CTU2: variants seen among roughly 807,000 people sequenced by gnomAD.
The protein encoded by CTU2 is cytoplasmic tRNA 2-thiolation protein 2.
CTU2 carries 80 observed loss-of-function variants against 64.1 expected under a neutral mutation model. The ratio of observed to expected loss-of-function variants is 1.25; its 90% CI spans 1.04 to 1.50. CTU2 has a LOEUF of 1.50. CTU2 is among the 40% of genes most tolerant of loss of function. CTU2 has a pLI of 0.00. For missense variants in CTU2, 1,110 were observed against 690.2 expected, an observed-to-expected ratio of 1.61 and a Z score of -6.81; for synonymous variants, 482 against 285.3, an observed-to-expected ratio of 1.69 and a Z score of -6.95.
chr16:88,711,055 G>A (rs1911281177), intron 4 of CTU2: 1 of 154,052 alleles, frequency 6.5e-6, no homozygotes, highest in Non-Finnish European at 1.4e-5. Flanking sequence ...GTGGTTGAGA[G>A]GAGAGGGGTC....
Position 88,715,360 on chromosome 16 carries a change from T to A in CTU2, c.*109T>A, listed in dbSNP as rs2142742884. On this transcript the variant is annotated 3_prime_UTR_variant, in exon 15 of 15. Coordinates refer to ENST00000453996, the MANE Select transcript of CTU2 (RefSeq NM_001012759.3). ...GCCTCTGATTGTCCATTTGTATAAA[T>A]AAAACATTTTTTAATTAAAAAAAAA... The A allele has an allele frequency of 8.1e-7, 1 of 1,232,666 alleles. No homozygotes were observed. Among genetic ancestry groups the A allele is most frequent in the Non-Finnish European group, 1.1e-6 (1 of 899,408 alleles). The allele number at this position is 1,232,666 out of a possible 1,614,324, so 76.4% of individuals were successfully genotyped here.
chr16:88,714,519 G>A (rs773305962), intron 11 of CTU2, 33 bp downstream of exon 11: 30 of 1,612,356 alleles, frequency 1.9e-5, no homozygotes, highest in Non-Finnish European at 2.5e-5. Flanking sequence ...GTGATGCGGG[G>A]AGGGAGCCAG....
intron 2 of CTU2, chr16:88,709,595 C>A (rs921127583): frequency 9.9e-6 from 3 of 301,662 alleles, no homozygotes; most frequent in Admixed American, 4.8e-5. Context: ...TGGCCTTGCC[C>A]TGTACGTGCC....
At chr16:88,711,736 G>C (rs1365083759) in intron 5 of CTU2, 41 bp downstream of exon 5, 2 of 1,573,584 alleles carry the variant, frequency 1.3e-6, no homozygotes, top group African/African-American at 2.7e-5. Flanking sequence ...TGGCCACTTG[G>C]GGTAAGCCCT....
chr16:88,714,768 G>A, intron 12 of CTU2, 31 bp downstream of exon 12: 3 of 1,605,338 alleles, frequency 1.9e-6, no homozygotes, highest in Non-Finnish European at 2.6e-6. Flanking sequence ...CCCATGGCCA[G>A]CTGCATGGGG....
At position 88,713,460 on chromosome 16, in the gene CTU2, C is replaced by T; in HGVS notation, c.873+13C>T. 6.4e-7 allele frequency: 1 copy of T among 1,568,678 alleles called. No homozygotes were observed. Among genetic ancestry groups the T allele is most frequent in the Non-Finnish European group, 8.6e-7 (1 of 1,163,562 alleles). On this transcript the variant is annotated intron_variant, in intron 8 of 14. Coordinates refer to ENST00000453996, the MANE Select transcript of CTU2 (RefSeq NM_001012759.3). ...GGCCTGGGATACGGTAGGCAGGGGC[C>T]TGGGTGTTCAGGAGGCCCATCCTCA...
In CTU2 at chr16:88,710,246, GC is replaced by G. The variant is rs1567646946; in HGVS notation, c.248del (p.Pro83LeufsTer14). On this transcript the variant is annotated frameshift_variant, in exon 4 of 15. Coordinates refer to ENST00000453996, the MANE Select transcript of CTU2 (RefSeq NM_001012759.3). LOFTEE classifies it high-confidence loss of function. ...AGGTGCTCTTGGCGTGGTCTGGGGG[GC>G]CTTCGTCCAGCTCCATGGTCTGGCA... ...EKVLLAWSGG[P>X]SSSSMVWQVL... The G allele has an allele frequency of 1.2e-6, 2 of 1,614,058 alleles. No homozygotes were observed. The highest frequency in any genetic ancestry group is 3.3e-5 in the Admixed American group (2 of 60,028).
rs1911179268 is a variant in CTU2 at position 88,709,919 on chromosome 16, T to C, written c.144-19T>C. ...GTGCGGGTAGCAGGCGGTTCCCTCA[T>C]CTCAGGTCTGTGTTGCAGGGACTGT... On this transcript the variant is annotated intron_variant, in intron 2 of 14. Transcript: ENST00000453996. The C allele has an allele frequency of 2.5e-6, 4 of 1,612,260 alleles. No individual in the cohort carries two copies. Among genetic ancestry groups the C allele is most frequent in the Non-Finnish European group, 3.4e-6 (4 of 1,178,528 alleles).
Position 88,713,363 on chromosome 16 carries a change from G to C in CTU2, c.789G>C (p.Met263Ile), listed in dbSNP as rs758953365. Residue 263 changes from methionine to isoleucine, a missense_variant, in exon 8 of 15, where the codon ATG becomes ATC. Coordinates refer to ENST00000453996, the MANE Select transcript of CTU2 (RefSeq NM_001012759.3). ...MARAHGYSKV[M>I]TGDSCTRLAI... is the part of the protein sequence containing the mutation. Reference sequence around the variant, plus strand: ...GAGCCCACGGCTACTCCAAGGTCATGACTGGGGACAGCTGCACACGCTTGG... The same window carrying C: ...GAGCCCACGGCTACTCCAAGGTCATCACTGGGGACAGCTGCACACGCTTGG... 13 of 1,603,608 alleles carry C rather than the reference G, an allele frequency of 8.1e-6. No individual in the cohort carries two copies. The highest frequency in any genetic ancestry group is 1.7e-5 in the Admixed American group (1 of 58,856).
Position 88,713,336 on chromosome 16 carries a change from C to T in CTU2, c.762C>T (p.Ala254=). The change falls in exon 8 of 15, where the codon GCC becomes GCT. Residue 254 remains alanine (A), a synonymous_variant. Coordinates refer to ENST00000453996, the MANE Select transcript of CTU2 (RefSeq NM_001012759.3). ...GGACCCACCTGATCCTCCACATGGCCCGAGCCCACGGCTACTCCAAGGTCA... is the reference window on the plus strand; with the variant it reads ...GGACCCACCTGATCCTCCACATGGCTCGAGCCCACGGCTACTCCAAGGTCA... ...TLRTHLILHM[A]RAHGYSKVMT... 1.2e-6 allele frequency: 2 copies of T among 1,600,504 alleles called. No homozygotes were observed. The highest frequency in any genetic ancestry group is 1.7e-6 in the Non-Finnish European group (2 of 1,174,762).
At chr16:88,713,607 C>G (rs777049337) in intron 8 of CTU2, 40 bp from the exon 9 acceptor site, 7 of 1,595,968 alleles carry the variant, frequency 4.4e-6, no homozygotes, top group African/African-American at 4.0e-5. Flanking sequence ...CAAGCACATT[C>G]GGGCCTTGAC....
At chr16:88,714,027 C>A in intron 9 of CTU2, 109 bp from the exon 10 acceptor site, 2 of 1,172,498 alleles carry the variant, frequency 1.7e-6, no homozygotes, top group Non-Finnish European at 2.5e-6. Context: ...CAAAGCCAGA[C>A]CCATGTGGGC....
intron 4 of CTU2, 145 bp downstream of exon 4, chr16:88,710,427 T>G (rs1049778288): frequency 2.7e-6 from 2 of 736,176 alleles, no homozygotes; most frequent in Non-Finnish European, 2.2e-6. Context: ...TTCTCAGATG[T>G]GTTCACAACA....
chr16:88,714,731 G>C lies in CTU2; in HGVS notation c.1346G>C (p.Cys449Ser), dbSNP rs1179273045. 10 of 1,607,344 alleles carry C rather than the reference G, an allele frequency of 6.2e-6. No individual in the cohort carries two copies. Among genetic ancestry groups the C allele is most frequent in the South Asian group, 1.1e-5 (1 of 90,658 alleles). Residue 449 changes from cysteine (C) to serine (S), a missense_variant, in exon 12 of 15, where the codon TGC becomes TCC. Coordinates refer to ENST00000453996, the MANE Select transcript of CTU2 (RefSeq NM_001012759.3). ...GCCCAGCGCTGTGGCCAGGGGGCCT[G>C]CAGGAGGTGAGTCCCTGTCCCTGCC... Reference protein sequence around the residue: ...GWAQRCGQGACRREDPQACIE... With the variant: ...GWAQRCGQGASRREDPQACIE...
chr16:88,715,308 G>A lies in CTU2; in HGVS notation c.*57G>A. 6.4e-7 allele frequency: 1 copy of A among 1,565,232 alleles called. No individual in the cohort carries two copies. Among genetic ancestry groups the A allele is most frequent in the Admixed American group, 1.8e-5 (1 of 56,686 alleles). On this transcript the variant is annotated 3_prime_UTR_variant, in exon 15 of 15. Transcript: ENST00000453996. ...AGTGGCCACCTGGTACACCACACTG[G>A]AGCCGGAAGGCAAGGACGGGGGACT...
In CTU2 at chr16:88,714,243, G is replaced by C. The variant is rs1301832735; in HGVS notation, c.1097+16G>C. 9.4e-6 allele frequency: 15 copies of C among 1,602,962 alleles called. No homozygotes were observed. In the East Asian group the frequency reaches 3.1e-4, roughly 33 times the overall value. ...CTGTGTACAGGTGTGGGTGTGTGTG[G>C]GTGTGTGCGGGGGGTGCGCGGGTGT... On this transcript the variant is annotated intron_variant, in intron 10 of 14. Transcript: ENST00000453996.
At chr16:88,712,516 G>C (rs559252034) in intron 6 of CTU2, 106 bp from the exon 7 acceptor site, 8 of 1,497,268 alleles carry the variant, frequency 5.3e-6, no homozygotes, top group South Asian at 2.6e-5. Context: ...GCACCTGCCC[G>C]TGCCCCAGCC....
chr16:88,711,800 T>G, intron 5 of CTU2, 105 bp downstream of exon 5: 1 of 1,088,032 alleles, frequency 9.2e-7, no homozygotes, highest in Non-Finnish European at 1.3e-6. Context: ...CTCCCTCTGG[T>G]AGGATGTGTT....
chr16:88,709,951 G>C lies in CTU2; in HGVS notation c.157G>C (p.Ala53Pro). 1 of 1,613,964 alleles carries C rather than the reference G, an allele frequency of 6.2e-7. No homozygotes were observed. Among genetic ancestry groups the C allele is most frequent in the South Asian group, 1.1e-5 (1 of 91,088 alleles). ...TCTGTGTTGCAGGGACTGTTTCAAG[G>C]CCTTCTACGTCCACAAGTTCAGAGC... ...GDAFCRDCFK[A>P]FYVHKFRAML... The change falls in exon 3 of 15, where the codon GCC becomes CCC. Residue 53 changes from alanine to proline, a missense_variant. Physicochemically the swap from Ala to Pro is conservative, Grantham distance 27. Coordinates refer to ENST00000453996, the MANE Select transcript of CTU2 (RefSeq NM_001012759.3).
Sources: allele counts gnomAD v4.1 joint callset, GRCh38; gene constraint gnomAD v4.1.1; transcripts MANE v1.5; gene names NCBI Gene and HGNC (gene_info 2026-07-23, HGNC 2026-07-21).